Variants in LHX3 observed in about 807,000 individuals in gnomAD.
LHX3 encodes the protein LIM homeobox 3.
In LHX3, 21 loss-of-function variants were observed where a neutral mutation model predicts 32.4. The observed-to-expected ratio is 0.65, with a 90% CI of 0.46 to 0.93. LHX3 has a LOEUF of 0.93. Ranked by LOEUF, LHX3 falls within the 40% of genes least tolerant of loss-of-function variation. The pLI, the probability that LHX3 is intolerant of heterozygous loss-of-function variation, is 0.00. For synonymous variants in LHX3, 258 were observed against 246.8 expected (o/e 1.05, Z -0.43); for missense variants, 626 against 560.0 (o/e 1.12, Z -1.19).
intron 1 of LHX3, among the ~76,000 whole-genome samples, chr9:136,204,428 G>C (rs950376290): frequency 6.6e-6 from 1 of 152,244 alleles, no homozygotes; most frequent in Admixed American, 6.5e-5. Context: ...GGCAGGACTG[G>C]GGAAGGGGCG....
Position 136,197,586 on chromosome 9 carries a change from G to T in LHX3, c.933C>A (p.Pro311=), listed in dbSNP as rs1277781712. Residue 311 remains proline, a synonymous_variant, in exon 6 of 6, where the codon CCC becomes CCA. Transcript: ENST00000371748. Reference sequence around the variant, plus strand: ...ATGGGGGGACACCGTAGGGGCTGCCGGGACGCAGCTCTCGGTACTGCTCTG... The same window carrying T: ...ATGGGGGGACACCGTAGGGGCTGCCTGGACGCAGCTCTCGGTACTGCTCTG... ...AGPEQYRELR[P]GSPYGVPPSP... The T allele has an allele frequency of 6.5e-7, 1 of 1,539,370 alleles. No homozygotes were observed. Among genetic ancestry groups the T allele is most frequent in the Non-Finnish European group, 8.8e-7 (1 of 1,140,674 alleles).
chr9:136,202,570 C>G (rs774275666), intron 1 of LHX3, among the ~76,000 whole-genome samples: 1 of 152,350 alleles, frequency 6.6e-6, no homozygotes, highest in Non-Finnish European at 1.5e-5. Context: ...TCCGCTGGAA[C>G]GTGGAAAGAG....
intron 5 of LHX3, 38 bp downstream of exon 5, chr9:136,198,614 G>T (rs1350471142): frequency 2.0e-6 from 3 of 1,527,170 alleles, no homozygotes; most frequent in Non-Finnish European, 1.8e-6. Flanking sequence ...GCCGACGCGC[G>T]CTCGTCCCCC....
rs371115016 is a variant in LHX3, at chr9:136,199,038, C to T, written c.476G>A (p.Arg159Gln). 1.2e-5 allele frequency: 19 copies of T among 1,576,166 alleles called. No individual in the cohort carries two copies. The highest frequency in any genetic ancestry group is 1.7e-5 in the Admixed American group (1 of 57,284). Residue 159 changes from arginine to glutamine, a missense_variant, in exon 4 of 6, where the codon CGG (arginine) becomes CAG (glutamine). By Grantham distance (43) the Arg-to-Gln change is conservative (BLOSUM62 1). Coordinates refer to ENST00000371748, the MANE Select transcript of LHX3 (RefSeq NM_178138.6). ...KQREAEATAK[R>Q]PRTTITAKQL... is the part of the protein sequence containing the mutation. ...CTTGGCGGTGATGGTCGTGCGCGGC[C>T]GCTTGGCCGTGGCCTCGGCCTCTGC...
rs775588698 is a variant in LHX3 at position 136,204,982 on chromosome 9, G to T, written c.31C>A (p.Arg11=). 5 of 1,593,210 alleles carry T rather than the reference G, an allele frequency of 3.1e-6. No individual in the cohort carries two copies. Among genetic ancestry groups the T allele is most frequent in the Non-Finnish European group, 4.3e-6 (5 of 1,173,980 alleles). The change falls in exon 1 of 6, where the codon CGA becomes AGA. Residue 11 remains arginine, a synonymous_variant. Transcript: ENST00000371748. The part of the protein sequence containing the change: MLLETGLERD[R]ARPGAAAVCT... The stretch of plus-strand genomic sequence containing the variant: ...ACGGCGGCGGCCCCGGGCCTCGCTC[G>T]GTCGCGCTCGAGCCCCGTTTCCAGC...
At chr9:136,203,094 C>G in intron 1 of LHX3, 2 of 1,483,972 alleles carry the variant, frequency 1.3e-6, no homozygotes, top group Non-Finnish European at 8.9e-7. Flanking sequence ...CCGGGCCCAG[C>G]GACGCCACCC....
At position 136,200,714 on chromosome 9, in the gene LHX3, T is replaced by C. The variant is rs1413305766; in HGVS notation, c.119A>G (p.Asp40Gly). 1.2e-6 allele frequency: 2 copies of C among 1,613,514 alleles called. No individual in the cohort carries two copies. Among genetic ancestry groups the C allele is most frequent in the Middle Eastern group, 1.6e-4 (1 of 6,062 alleles). The change falls in exon 2 of 6, where the codon GAC becomes GGC. Residue 40 changes from aspartate to glycine, a missense_variant. Physicochemically the swap from Asp to Gly is moderately conservative, Grantham distance 94. Transcript: ENST00000371748. ...GTCCAGAGCCTTGAGGATGAAGCGG[T>C]CCAGGATGTGCTGGTCACAGCCAGC... ...LCAGCDQHILDRFILKALDRH... is the reference protein window; with the variant it reads ...LCAGCDQHILGRFILKALDRH...
chr9:136,199,922 G>A, intron 2 of LHX3, 42 bp from the exon 3 acceptor site: 1 of 1,539,624 alleles, frequency 6.5e-7, no homozygotes, highest in African/African-American at 1.4e-5. Context: ...GAAGCGCGAG[G>A]CTCATTTCGC....
chr9:136,198,626 C>CT (rs768065671), intron 5 of LHX3, 26 bp downstream of exon 5: 43 of 1,560,270 alleles, frequency 2.8e-5, no homozygotes, highest in Non-Finnish European at 3.7e-5. Context: ...TCGTCCCCCC[C>CT]CGAGCTCCGC....
In LHX3 at chr9:136,205,121, G is replaced by A; in HGVS notation, c.-109C>T. 1 of 908,146 alleles carries A rather than the reference G, an allele frequency of 1.1e-6. No homozygotes were observed. The highest frequency in any genetic ancestry group is 3.0e-5 in the Admixed American group (1 of 33,332). The allele number at this position is 908,146 out of a possible 1,614,324, so 56.3% of individuals were successfully genotyped here. ...GCGTCGTGCGGGGCAGGGAGCCCGG[G>A]AGCCACTGGGCCTGGCGCTGTCCGC... On this transcript the variant is annotated 5_prime_UTR_variant, in exon 1 of 6. Coordinates refer to ENST00000371748, the MANE Select transcript of LHX3 (RefSeq NM_178138.6).
intron 1 of LHX3, 107 bp from the exon 2 acceptor site, chr9:136,200,860 G>T: frequency 7.6e-7 from 1 of 1,316,988 alleles, no homozygotes; most frequent in Non-Finnish European, 1.1e-6. Context: ...AGGACTCAGG[G>T]CTGCCGAGGG....
intron 5 of LHX3, among the ~76,000 whole-genome samples, chr9:136,198,188 C>T (rs1831543018): frequency 1.3e-5 from 2 of 152,156 alleles, no homozygotes; most frequent in Admixed American, 1.3e-4. Flanking sequence ...CCCCGGTGCC[C>T]GGAGAATGAA....
At chr9:136,202,541 C>T (rs1187297313) in intron 1 of LHX3, among the ~76,000 whole-genome samples, 1 of 152,198 alleles carries the variant, frequency 6.6e-6, no homozygotes, top group Admixed American at 6.5e-5. Context: ...TCGACCTTGG[C>T]CCCTGCATCT....
At chr9:136,201,034 G>A in intron 1 of LHX3, 1 of 1,024,744 alleles carries the variant, frequency 9.8e-7, no homozygotes, top group Non-Finnish European at 1.4e-6. Context: ...TCACGAGGCT[G>A]AATACTCAAT....
chr9:136,199,026 G>C lies in LHX3; in HGVS notation c.488C>G (p.Thr163Ser). 6.3e-7 allele frequency: 1 copy of C among 1,582,090 alleles called. No individual in the cohort carries two copies. The highest frequency in any genetic ancestry group is 8.5e-7 in the Non-Finnish European group (1 of 1,169,606). The change falls in exon 4 of 6, where the codon ACC (threonine) becomes AGC (serine). Residue 163 changes from threonine (T) to serine (S), a missense_variant. Coordinates refer to ENST00000371748, the MANE Select transcript of LHX3 (RefSeq NM_178138.6). ...AEATAKRPRT[T>S]ITAKQLETLK... Reference sequence around the variant, plus strand: ...CGTCTCCAGCTGCTTGGCGGTGATGGTCGTGCGCGGCCGCTTGGCCGTGGC... The same window carrying C: ...CGTCTCCAGCTGCTTGGCGGTGATGCTCGTGCGCGGCCGCTTGGCCGTGGC...
intron 1 of LHX3, among the ~76,000 whole-genome samples, chr9:136,201,851 C>T (rs956635907): frequency 6.6e-6 from 1 of 152,302 alleles, no homozygotes; most frequent in East Asian, 1.9e-4. Flanking sequence ...TCGTGGGCAG[C>T]GATCGCAGGC....
rs899639213 is a variant in LHX3 at position 136,196,772 on chromosome 9, C to G, written c.*553G>C. 1 of 154,248 alleles carries G rather than the reference C, an allele frequency of 6.5e-6. No individual in the cohort carries two copies. Among genetic ancestry groups the G allele is most frequent in the Non-Finnish European group, 1.4e-5 (1 of 69,530 alleles). The allele number at this position is 154,248 out of a possible 1,614,324, so 9.6% of individuals were successfully genotyped here. A position where few individuals can be genotyped will look rare whatever the true frequency, so the allele number is the denominator to read the frequency against. On this transcript the variant is annotated 3_prime_UTR_variant, in exon 6 of 6. Transcript: ENST00000371748. Reference sequence around the variant, plus strand: ...GAAGGTGGGGCTGGAGGCAGAGAGGCCCCCTGTGGTCTGGGGAGAGGAGGG... The same window carrying G: ...GAAGGTGGGGCTGGAGGCAGAGAGGGCCCCTGTGGTCTGGGGAGAGGAGGG...
chr9:136,200,496 G>T, intron 2 of LHX3, 86 bp downstream of exon 2: 1 of 1,423,018 alleles, frequency 7.0e-7, no homozygotes, highest in Non-Finnish European at 9.7e-7. Context: ...GGCTTCGAGG[G>T]CCTGGCCTTG....
At position 136,197,403 on chromosome 9, in the gene LHX3, C is replaced by G; in HGVS notation, c.1116G>C (p.Thr372=). ...AGNGPSSDLS[T]GSSGGYPDFP... ...AGTCGGGGTAACCCCCGCTGCTCCC[C>G]GTGGATAGGTCAGAACTGGGTCCGT... The change falls in exon 6 of 6, where the codon ACG becomes ACC. Residue 372 remains threonine, a synonymous_variant. Transcript: ENST00000371748. The G allele has an allele frequency of 1.2e-6, 2 of 1,609,826 alleles. No homozygotes were observed. The highest frequency in any genetic ancestry group is 1.1e-5 in the South Asian group (1 of 90,536).
Sources: allele counts gnomAD v4.1 joint callset (sites outside exome capture counted in the v4.1 genomes callset), GRCh38; gene constraint gnomAD v4.1.1; transcripts MANE v1.5; gene names NCBI Gene and HGNC (gene_info 2026-07-23, HGNC 2026-07-21).